Variants in TMEM161A observed in about 807,000 individuals in gnomAD.
The protein encoded by TMEM161A is transmembrane protein 161A, also known as adaptive response to oxidative stress protein 29.
Under a neutral mutation model 57.1 loss-of-function variants are expected in TMEM161A, and 46 were observed. The ratio of observed to expected loss-of-function variants is 0.81; its 90% CI spans 0.64 to 1.03. The LOEUF (loss-of-function observed/expected upper bound fraction) is 1.03, where lower values mean the gene tolerates loss of function less well. TMEM161A is among the 50% of genes least tolerant of loss of function. The probability of loss-of-function intolerance (pLI) is 0.00; values close to 1 mark genes in which losing one functional copy is unlikely to be tolerated. For missense variants in TMEM161A, 601 were observed against 621.5 expected, an observed-to-expected ratio of 0.97 and a Z score of 0.35; for synonymous variants, 288 against 279.0, an observed-to-expected ratio of 1.03 and a Z score of -0.32.
Position 19,138,424 on chromosome 19 carries a change from A to C in TMEM161A, c.3+2T>G. The stretch of plus-strand genomic sequence containing the variant: ...CCCCCACTTCGCGGGACGCTCGCTC[A>C]CCATGACGCGTGCGAGAACGCGGTG... On this transcript the variant is annotated splice_donor_variant, in intron 1 of 11. Transcript: ENST00000162044. LOFTEE classifies it high-confidence loss of function. 6.2e-7 allele frequency: 1 copy of C among 1,603,772 alleles called. No individual in the cohort carries two copies. The highest frequency in any genetic ancestry group is 1.7e-5 in the Admixed American group (1 of 59,096).
At chr19:19,120,213 G>C (rs1203572169) in intron 11 of TMEM161A, 30 bp from the exon 12 acceptor site, 17 of 1,504,346 alleles carry the variant, frequency 1.1e-5, no homozygotes, top group Non-Finnish European at 1.3e-5. Flanking sequence ...CGAGGTATGA[G>C]TGGAAAAATG....
rs962040425 is a variant in TMEM161A, at chr19:19,138,080, A to G, written c.3+346T>C. Among the ~76,000 whole-genome samples, 4 of 151,966 alleles carry G rather than the reference A, an allele frequency of 2.6e-5. 1 individual carries two copies. The highest frequency in any genetic ancestry group is 9.7e-5 in the African/African-American group (4 of 41,368). On this transcript the variant is annotated intron_variant, in intron 1 of 11. Coordinates refer to ENST00000162044, the MANE Select transcript of TMEM161A (RefSeq NM_017814.3). ...GAGTGGACCCCCAACAGGACCCCACACCGCCTTAACCAGGTTCCAAATGTG... is the reference window on the plus strand; with the variant it reads ...GAGTGGACCCCCAACAGGACCCCACGCCGCCTTAACCAGGTTCCAAATGTG...
intron 6 of TMEM161A, among the ~76,000 whole-genome samples, chr19:19,122,720 G>A (rs2059916302): frequency 1.4e-5 from 2 of 138,244 alleles, no homozygotes. Context: ...AAGTTGCAGT[G>A]AGCTGAGATC....
At position 19,132,968 on chromosome 19, in the gene TMEM161A, T is replaced by C. The variant is rs2059965880; in HGVS notation, c.188+162A>G. 2 of 733,592 alleles carry C rather than the reference T, an allele frequency of 2.7e-6. No individual in the cohort carries two copies. The highest frequency in any genetic ancestry group is 3.0e-5 in the Admixed American group (1 of 33,784). The allele number at this position is 733,592 out of a possible 1,614,324, so 45.4% of individuals were successfully genotyped here. On this transcript the variant is annotated intron_variant, in intron 3 of 11. Transcript: ENST00000162044. This position sits in a 1 kb window ranked among gnomAD's most constrained non-coding sequence, Gnocchi z 4.3. ...TGCTAACTTGACAGTGACCATCTCC[T>C]TGGACTAGGGTCTCCCGGTTCACCT...
In TMEM161A at chr19:19,126,673, C is replaced by G. The variant is rs185634957; in HGVS notation, c.595+3483G>C. The stretch of plus-strand genomic sequence containing the variant: ...TCACCTGAGGTCAGGAGTTAAAGAC[C>G]AGCCTGGCCAACATGGCAAAACCCC... On this transcript the variant is annotated intron_variant, in intron 6 of 11. Transcript: ENST00000162044. 2.0e-3 allele frequency among the ~76,000 whole-genome samples: 303 copies of G among 152,144 alleles called. 3 individuals carry two copies. Among genetic ancestry groups the G allele is most frequent in the Non-Finnish European group, 1.9e-3 (127 of 68,008 alleles).
intron 6 of TMEM161A, among the ~76,000 whole-genome samples, chr19:19,126,167 A>C (rs1485583438): frequency 1.3e-5 from 2 of 148,644 alleles, no homozygotes; most frequent in East Asian, 3.9e-4. Context: ...TCTGTCTCAA[A>C]AAAAAAAAAA....
chr19:19,129,425 G>A (rs998299642), intron 6 of TMEM161A, among the ~76,000 whole-genome samples: 2 of 152,004 alleles, frequency 1.3e-5, no homozygotes, highest in Non-Finnish European at 2.9e-5. Context: ...GCAGAGAAGT[G>A]ATGAGGTCCA....
Position 19,130,139 on chromosome 19 carries a change from T to C in TMEM161A, c.595+17A>G. On this transcript the variant is annotated intron_variant, in intron 6 of 11. Coordinates refer to ENST00000162044, the MANE Select transcript of TMEM161A (RefSeq NM_017814.3). ...GAGTGACAGCTGCGGTGGCCCCACG[T>C]TGGGGGCTGCACTTACCAGGCTCCA... 1 of 1,611,740 alleles carries C rather than the reference T, an allele frequency of 6.2e-7. No individual in the cohort carries two copies. Among genetic ancestry groups the C allele is most frequent in the Non-Finnish European group, 8.5e-7 (1 of 1,179,866 alleles).
Position 19,121,495 on chromosome 19 carries a change from T to TC in TMEM161A, c.800+29dup. 1 of 1,612,812 alleles carries TC rather than the reference T, an allele frequency of 6.2e-7. No homozygotes were observed. The highest frequency in any genetic ancestry group is 8.5e-7 in the Non-Finnish European group (1 of 1,179,412). ...CGAGTCTCTCCCTTAAGCTCCCTAG[T>TC]CCCCCCACCCACCAAGCGACCCACT... is the stretch of plus-strand genomic sequence containing the variant. On this transcript the variant is annotated intron_variant, in intron 8 of 11. Coordinates refer to ENST00000162044, the MANE Select transcript of TMEM161A (RefSeq NM_017814.3). The surrounding 1 kb of genome is among the most constrained non-coding windows in gnomAD (Gnocchi z 5.8).
intron 2 of TMEM161A, 33 bp from the exon 3 acceptor site, chr19:19,133,243 A>C: frequency 7.5e-5 from 121 of 1,606,558 alleles, no homozygotes; most frequent in Non-Finnish European, 9.5e-5. Flanking sequence ...AGGGAAGCTC[A>C]GGCGTGGGGT....
At chr19:19,134,723 G>A in intron 2 of TMEM161A, 61 bp downstream of exon 2, 1 of 1,260,042 alleles carries the variant, frequency 7.9e-7, no homozygotes, top group Non-Finnish European at 1.1e-6. Context: ...GAGGCGGGGC[G>A]TGGGGAGCCA....
rs200196221 is a variant in TMEM161A at position 19,130,150 on chromosome 19, A to G, written c.595+6T>C. 2.1e-4 allele frequency: 331 copies of G among 1,612,648 alleles called. No homozygotes were observed. The highest frequency in any genetic ancestry group is 2.1e-4 in the Non-Finnish European group (250 of 1,180,006). ...GCGGTGGCCCCACGTTGGGGGCTGC[A>G]CTTACCAGGCTCCAGGCCCAGCTCG... On this transcript the variant is annotated splice_donor_region_variant and intron_variant, in intron 6 of 11. Coordinates refer to ENST00000162044, the MANE Select transcript of TMEM161A (RefSeq NM_017814.3).
chr19:19,126,651 C>A (rs1243621418), intron 6 of TMEM161A, among the ~76,000 whole-genome samples: 1 of 152,020 alleles, frequency 6.6e-6, no homozygotes, highest in Non-Finnish European at 1.5e-5. Flanking sequence ...GGCAGGATCA[C>A]CTGAGGTCAG....
chr19:19,128,819 T>C (rs1192439817), intron 6 of TMEM161A, among the ~76,000 whole-genome samples: 4 of 152,178 alleles, frequency 2.6e-5, no homozygotes, highest in Non-Finnish European at 4.4e-5. Flanking sequence ...ATTACAGGCA[T>C]GAGCCACCAT....
At chr19:19,125,441 C>T (rs566269386) in intron 6 of TMEM161A, among the ~76,000 whole-genome samples, 2 of 151,900 alleles carry the variant, frequency 1.3e-5, no homozygotes, top group East Asian at 1.9e-4. Flanking sequence ...ACCTCTGCCT[C>T]CGGGGTTCAA....
Position 19,121,362 on chromosome 19 carries a change from G to T in TMEM161A, c.860C>A (p.Pro287His). The T allele has an allele frequency of 6.2e-7, 1 of 1,604,712 alleles. No homozygotes were observed. The highest frequency in any genetic ancestry group is 1.1e-5 in the South Asian group (1 of 89,898). The change falls in exon 9 of 12, where the codon CCC becomes CAC. Residue 287 changes from proline to histidine, a missense_variant. Pro to His is a moderately conservative substitution (Grantham distance 77). Coordinates refer to ENST00000162044, the MANE Select transcript of TMEM161A (RefSeq NM_017814.3). The surrounding 1 kb of genome is among the most constrained non-coding windows in gnomAD (Gnocchi z 5.8). ...PLFILWLWTK[P>H]IARDFLHQPP... is the part of the protein sequence containing the mutation. ...CTGGTGCAGGAAGTCCCGTGCAATG[G>T]GCTTTGTCCAGAGCCACAGGATGAA...
At position 19,132,666 on chromosome 19, in the gene TMEM161A, C is replaced by A; in HGVS notation, c.277G>T (p.Asp93Tyr). The A allele has an allele frequency of 6.4e-7, 1 of 1,570,210 alleles. No individual in the cohort carries two copies. The highest frequency in any genetic ancestry group is 8.6e-7 in the Non-Finnish European group (1 of 1,157,502). Residue 93 changes from aspartate (D) to tyrosine (Y), a missense_variant, in exon 4 of 12, where the codon GAT becomes TAT. Physicochemically the swap from Asp to Tyr is radical, Grantham distance 160 (BLOSUM62 -3). Transcript: ENST00000162044. This position sits in a 1 kb window ranked among gnomAD's most constrained non-coding sequence, Gnocchi z 4.3. ...QLETCPLTTV[D>Y]ALVLRFFLEY... ...GGGACTGGGCTATTACCCAGGGCATCCACGGTCGTGAGGGGGCAGGTCTCC... is the reference window on the plus strand; with the variant it reads ...GGGACTGGGCTATTACCCAGGGCATACACGGTCGTGAGGGGGCAGGTCTCC...
Position 19,121,090 on chromosome 19 carries a change from G to A in TMEM161A, c.991C>T (p.Arg331Trp). 2 of 1,611,286 alleles carry A rather than the reference G, an allele frequency of 1.2e-6. No homozygotes were observed. Among genetic ancestry groups the A allele is most frequent in the Non-Finnish European group, 1.7e-6 (2 of 1,179,372 alleles). The change falls in exon 10 of 12, where the codon CGG (arginine) becomes TGG (tryptophan). Residue 331 changes from arginine to tryptophan, a missense_variant. Transcript: ENST00000162044. This position sits in a 1 kb window ranked among gnomAD's most constrained non-coding sequence, Gnocchi z 5.8. ...CACAGGTAGGCCTGCAGGTGGGGCC[G>A]GGTCACCGCCAGCCGCAGCAGGCAC... ...VLCLLRLAVTRPHLQAYLCLA... is the reference protein window; with the variant it reads ...VLCLLRLAVTWPHLQAYLCLA...
At position 19,120,113 on chromosome 19, in the gene TMEM161A, G is replaced by A. The variant is rs1159609049; in HGVS notation, c.1257C>T (p.Pro419=). Residue 419 remains proline (P), a synonymous_variant, in exon 12 of 12, where the codon CCC becomes CCT. Transcript: ENST00000162044. ...SPDPSSASAA[P]IGSGEDEVQQ... is the part of the protein sequence containing the mutation. Reference sequence around the variant, plus strand: ...GGACTTCGTCCTCCCCAGAGCCGATGGGGGCAGCGCTGGCTGAGGATGGGT... The same window carrying A: ...GGACTTCGTCCTCCCCAGAGCCGATAGGGGCAGCGCTGGCTGAGGATGGGT... 3.2e-6 allele frequency: 5 copies of A among 1,571,458 alleles called. No homozygotes were observed. The highest frequency in any genetic ancestry group is 3.5e-6 in the Non-Finnish European group (4 of 1,158,596).
Sources: allele counts gnomAD v4.1 joint callset (sites outside exome capture counted in the v4.1 genomes callset), GRCh38; gene constraint gnomAD v4.1.1; non-coding constraint Gnocchi (gnomAD v3.1); transcripts MANE v1.5; gene names NCBI Gene and HGNC (gene_info 2026-07-23, HGNC 2026-07-21).